Variants in CTNND2 observed in about 807,000 individuals in gnomAD.
CTNND2 encodes the protein catenin delta-2.
A neutral mutation model predicts 144.4 loss-of-function variants in CTNND2; 22 were observed. The ratio of observed to expected loss-of-function variants is 0.15; its 90% CI spans 0.11 to 0.22. The LOEUF is 0.22. Among genes scored for constraint, CTNND2 ranks in the 10% least tolerant of loss-of-function variants. The pLI, the probability that CTNND2 is intolerant of heterozygous loss-of-function variation, is 1.00. For missense variants in CTNND2, 1,353 were observed against 1,618.8 expected, an observed-to-expected ratio of 0.84 and a Z score of 2.82; for synonymous variants, 751 against 695.6, an observed-to-expected ratio of 1.08 and a Z score of -1.25.
At chr5:11,614,713 T>C (rs1009241513) in intron 2 of CTNND2, among the ~76,000 whole-genome samples, 4 of 152,114 alleles carry the variant, frequency 2.6e-5, no homozygotes, top group East Asian at 1.9e-4. Flanking sequence ...TGAACTACAG[T>C]GGAGCACAGC....
chr5:11,806,367 A>G (rs1359857988), intron 1 of CTNND2, among the ~76,000 whole-genome samples: 1 of 152,190 alleles, frequency 6.6e-6, no homozygotes, highest in Admixed American at 6.5e-5. Flanking sequence ...ATATCTAACA[A>G]TTTAAAGCAA....
At chr5:11,500,804 T>C (rs1770457349) in intron 3 of CTNND2, among the ~76,000 whole-genome samples, 1 of 152,236 alleles carries the variant, frequency 6.6e-6, no homozygotes, top group Non-Finnish European at 1.5e-5. Flanking sequence ...TATGATTTTA[T>C]GTGAAGAACA....
At chr5:11,841,136 TAAAC>T (rs1413434501) in intron 1 of CTNND2, among the ~76,000 whole-genome samples, 1 of 152,116 alleles carries the variant, frequency 6.6e-6, no homozygotes, top group African/African-American at 2.4e-5. Context: ...CTCCTTAAAA[TAAAC>T]AACGATGAAC....
At chr5:11,875,598 C>T (rs1275140298) in intron 1 of CTNND2, among the ~76,000 whole-genome samples, 2 of 151,968 alleles carry the variant, frequency 1.3e-5, no homozygotes, top group African/African-American at 2.4e-5. Flanking sequence ...TTTTACCGTC[C>T]GTATAGCAGG....
At chr5:11,642,307 T>A (rs1341568616) in intron 2 of CTNND2, among the ~76,000 whole-genome samples, 3 of 152,166 alleles carry the variant, frequency 2.0e-5, no homozygotes, top group African/African-American at 7.2e-5. Context: ...TAAATAATAT[T>A]ATAATAAATC....
chr5:11,187,413 G>C (rs1735745420), intron 11 of CTNND2, among the ~76,000 whole-genome samples: 1 of 152,148 alleles, frequency 6.6e-6, no homozygotes, highest in Non-Finnish European at 1.5e-5. Flanking sequence ...GCAGAAAATT[G>C]AAACTGGACC....
chr5:11,872,563 A>G (rs190164874), intron 1 of CTNND2, among the ~76,000 whole-genome samples: 1 of 152,270 alleles, frequency 6.6e-6, no homozygotes, highest in African/African-American at 2.4e-5. Flanking sequence ...CTGACTTTTT[A>G]ATGATTGCCA....
At chr5:11,807,551 C>T (rs1792074096) in intron 1 of CTNND2, among the ~76,000 whole-genome samples, 1 of 152,126 alleles carries the variant, frequency 6.6e-6, no homozygotes, top group African/African-American at 2.4e-5. Flanking sequence ...GTATTTAACA[C>T]AGAGTTCAGA....
intron 3 of CTNND2, among the ~76,000 whole-genome samples, chr5:11,534,870 C>T (rs949478370): frequency 6.6e-6 from 1 of 152,140 alleles, no homozygotes; most frequent in South Asian, 2.1e-4. Context: ...CTGAAGTGAA[C>T]TTGGACAAGG....
chr5:11,695,697 G>A (rs1785109091), intron 2 of CTNND2, among the ~76,000 whole-genome samples: 1 of 152,152 alleles, frequency 6.6e-6, no homozygotes, highest in Admixed American at 6.6e-5. Flanking sequence ...ATGTTCTCAT[G>A]CTGTCTTATC....
At position 11,544,221 on chromosome 5, in the gene CTNND2, C is replaced by T. The variant is rs1346908384; in HGVS notation, c.287+20723G>A. ...ACGGAGTCTCCCTCTGTCTCCCAGG[C>T]TGGAGTGCAGTGGCGTGATCTCCAC... On this transcript the variant is annotated intron_variant, in intron 3 of 21. Transcript: ENST00000304623. Among the ~76,000 whole-genome samples, 4 of 150,792 alleles carry T rather than the reference C, an allele frequency of 2.7e-5. No homozygotes were observed. In the East Asian group the frequency reaches 5.9e-4, roughly 22 times the overall value.
At position 11,110,839 on chromosome 5, in the gene CTNND2, T is replaced by G. The variant is rs115886472; in HGVS notation, c.2463+19A>C. ...TAGGAAGGGGATAATTGCATGCAGC[T>G]GCAAGCAGCCTGCATCACCTGATCT... On this transcript the variant is annotated intron_variant, in intron 14 of 21. Coordinates refer to ENST00000304623, the MANE Select transcript of CTNND2 (RefSeq NM_001332.4). The G allele has an allele frequency of 0.029, 47,041 of 1,602,796 alleles. 817 individuals carry two copies. The highest frequency in any genetic ancestry group is 0.035 in the Non-Finnish European group (40,585 of 1,174,580).
chr5:11,649,624 C>T (rs1782544477), intron 2 of CTNND2, among the ~76,000 whole-genome samples: 1 of 152,164 alleles, frequency 6.6e-6, no homozygotes, highest in Non-Finnish European at 1.5e-5. Flanking sequence ...CATAAAGAAA[C>T]AAACTCTTGA....
intron 9 of CTNND2, among the ~76,000 whole-genome samples, chr5:11,292,023 T>A (rs920182102): frequency 5.5e-4 from 83 of 152,088 alleles, no homozygotes; most frequent in Non-Finnish European, 7.3e-5. Flanking sequence ...CTAGCTCAAC[T>A]CATGGTAGCA....
At chr5:11,064,022 T>C (rs965703167) in intron 16 of CTNND2, among the ~76,000 whole-genome samples, 3 of 151,884 alleles carry the variant, frequency 2.0e-5, no homozygotes, top group African/African-American at 7.3e-5. Flanking sequence ...CTCAAGGAGA[T>C]TACCAGCATG....
chr5:11,382,593 C>CTG (rs1491128983), intron 7 of CTNND2, among the ~76,000 whole-genome samples: 145 of 55,910 alleles, frequency 2.6e-3, no homozygotes, highest in African/African-American at 8.9e-3. Flanking sequence ...CAGAGTGAGA[C>CTG]TCTGTGTGTG....
At chr5:11,733,912 G>A (rs1376136779) in intron 1 of CTNND2, among the ~76,000 whole-genome samples, 2 of 152,116 alleles carry the variant, frequency 1.3e-5, no homozygotes, top group African/African-American at 2.4e-5. Flanking sequence ...AAATTCATAC[G>A]CTGAAATATT....
intron 11 of CTNND2, among the ~76,000 whole-genome samples, chr5:11,183,489 G>A (rs1331010236): frequency 5.3e-5 from 8 of 152,024 alleles, no homozygotes; most frequent in Non-Finnish European, 7.4e-5. Context: ...TCCAGCTAGC[G>A]GGTACAGATA....
chr5:11,114,758 A>G (rs796885750), intron 13 of CTNND2, among the ~76,000 whole-genome samples: 14 of 152,272 alleles, frequency 9.2e-5, no homozygotes, highest in African/African-American at 3.1e-4. Flanking sequence ...TATGGAATCC[A>G]CGCTCTTTTA....
Sources: allele counts gnomAD v4.1 joint callset (sites outside exome capture counted in the v4.1 genomes callset), GRCh38; gene constraint gnomAD v4.1.1; transcripts MANE v1.5; gene names NCBI Gene and HGNC (gene_info 2026-07-23, HGNC 2026-07-21).